The following THSD7B variants were observed in gnomAD, a reference collection of about 807,000 sequenced individuals.
THSD7B encodes the protein thrombospondin type 1 domain containing 7B, also known as thrombospondin type-1 domain-containing protein 7B.
THSD7B carries 138 observed loss-of-function variants against 213.6 expected under a neutral mutation model. That is an observed-to-expected ratio of 0.65 (90% confidence interval 0.56 to 0.74). THSD7B has a LOEUF of 0.74. Among genes scored for constraint, THSD7B ranks in the 30% least tolerant of loss-of-function variants. The pLI is 0.00. For synonymous variants in THSD7B, 742 were observed against 687.0 expected, an observed-to-expected ratio of 1.08 and a Z score of -1.25; for missense variants, 1,931 against 1,991.5, an observed-to-expected ratio of 0.97 and a Z score of 0.58.
intron 2 of THSD7B, among the ~76,000 whole-genome samples, chr2:136,977,753 T>A (rs1052570931): frequency 3.9e-5 from 6 of 151,948 alleles, no homozygotes; most frequent in African/African-American, 1.4e-4. Flanking sequence ...TTTTTCAATT[T>A]CCATGTAGTT....
intron 15 of THSD7B, among the ~76,000 whole-genome samples, chr2:137,538,092 A>G (rs1046822116): frequency 6.6e-6 from 1 of 151,608 alleles, no homozygotes; most frequent in African/African-American, 2.4e-5. Flanking sequence ...AGCAATTCTC[A>G]TGTCTTTTCC....
intron 12 of THSD7B, among the ~76,000 whole-genome samples, chr2:137,401,681 C>T (rs1282824877): frequency 2.9e-5 from 4 of 138,360 alleles, no homozygotes; most frequent in African/African-American, 1.1e-4. Context: ...CAATGGCCTT[C>T]ATCCTTGGGT....
chr2:137,551,847 C>T (rs1020156576), intron 15 of THSD7B, among the ~76,000 whole-genome samples: 4 of 151,918 alleles, frequency 2.6e-5, no homozygotes, highest in African/African-American at 9.7e-5. Flanking sequence ...CGGAGGATAG[C>T]CTGGGCCTGG....
chr2:137,356,366 A>G (rs1432951593), intron 12 of THSD7B, among the ~76,000 whole-genome samples: 1 of 152,062 alleles, frequency 6.6e-6, no homozygotes, highest in East Asian at 1.9e-4. Context: ...CAAATTCTCA[A>G]ACACCAAGCA....
intron 7 of THSD7B, among the ~76,000 whole-genome samples, chr2:137,206,931 G>A (rs574882217): frequency 2.6e-5 from 4 of 152,182 alleles, no homozygotes; most frequent in East Asian, 1.9e-4. Context: ...AATTAAAGCA[G>A]GAATGTATAT....
Position 136,816,747 on chromosome 2 carries a change from C to T in THSD7B, c.-36+51060C>T, listed in dbSNP as rs549234086. 4.6e-5 allele frequency among the ~76,000 whole-genome samples: 7 copies of T among 152,252 alleles called. No individual in the cohort carries two copies. The South Asian group carries it at 1.5e-3, about 32-fold the overall frequency. On this transcript the variant is annotated intron_variant, in intron 1 of 27. Coordinates refer to ENST00000409968, the MANE Select transcript of THSD7B (RefSeq NM_001316349.2). Reference sequence around the variant, plus strand: ...TCCACTGGGAATGCACTTGAATGCCCTGTTTTTTTGTTTGTTTTTATATCT... The same window carrying T: ...TCCACTGGGAATGCACTTGAATGCCTTGTTTTTTTGTTTGTTTTTATATCT...
intron 12 of THSD7B, among the ~76,000 whole-genome samples, chr2:137,378,650 A>C (rs1267299916): frequency 6.6e-6 from 1 of 152,134 alleles, no homozygotes; most frequent in East Asian, 1.9e-4. Flanking sequence ...TTCACCGCTC[A>C]TTCTTGAAAG....
chr2:137,293,498 C>T (rs992973014), intron 12 of THSD7B, among the ~76,000 whole-genome samples: 2 of 149,616 alleles, frequency 1.3e-5, no homozygotes, highest in African/African-American at 5.0e-5. Context: ...TTTCCTTTTT[C>T]TCTCTCTCTC....
rs1160895833 is a variant in THSD7B, at chr2:137,133,123, GATT to G, written c.1369+17836_1369+17838del. Among the ~76,000 whole-genome samples, 3 of 152,028 alleles carry G rather than the reference GATT, an allele frequency of 2.0e-5. No homozygotes were observed. In the East Asian group the frequency reaches 5.8e-4, roughly 29 times the overall value. Reference sequence around the variant, plus strand: ...AAATACTCCGTTGACTTTTGCCTTGGATTATTATCACACTGAATACCTAGGAAA... The same window carrying G: ...AAATACTCCGTTGACTTTTGCCTTGGATTATCACACTGAATACCTAGGAAA... On this transcript the variant is annotated intron_variant, in intron 5 of 27. Coordinates refer to ENST00000409968, the MANE Select transcript of THSD7B (RefSeq NM_001316349.2).
Position 137,393,835 on chromosome 2 carries a change from T to A in THSD7B, c.2501-11778T>A, listed in dbSNP as rs1476152091. Among the ~76,000 whole-genome samples the A allele has an allele frequency of 1.4e-4, 20 of 141,588 alleles. 2 individuals carry two copies. Among genetic ancestry groups the A allele is most frequent in the Admixed American group, 1.4e-3 (20 of 14,402 alleles). 92.9% of individuals were successfully genotyped at this position (141,588 alleles called of 152,430 possible). A position where few individuals can be genotyped will look rare whatever the true frequency, so the allele number is the denominator to read the frequency against. On this transcript the variant is annotated intron_variant, in intron 12 of 27. Coordinates refer to ENST00000409968, the MANE Select transcript of THSD7B (RefSeq NM_001316349.2). ...TCTCCAGCACCTGTTGTTTCCTGAC[T>A]TTTTAATGTTTGCCATTCTAACTGG...
intron 26 of THSD7B, among the ~76,000 whole-genome samples, chr2:137,664,111 C>T (rs1415711068): frequency 6.6e-6 from 1 of 152,140 alleles, no homozygotes; most frequent in Admixed American, 6.5e-5. Context: ...CCTTGGCCTC[C>T]CAAAGTGCTG....
rs530727541 is a variant in THSD7B, at chr2:137,667,938, G to A, written c.4739+77G>A. The A allele has an allele frequency of 2.4e-5, 29 of 1,191,696 alleles. 1 individual carries two copies. In the South Asian group the frequency reaches 2.9e-4, roughly 12 times the overall value. 73.8% of individuals were successfully genotyped at this position (1,191,696 alleles called of 1,614,324 possible). A position where few individuals can be genotyped will look rare whatever the true frequency, so the allele number is the denominator to read the frequency against. On this transcript the variant is annotated intron_variant, in intron 27 of 27. Coordinates refer to ENST00000409968, the MANE Select transcript of THSD7B (RefSeq NM_001316349.2). The stretch of plus-strand genomic sequence containing the variant: ...GTTATACTTAAAACAAGTATCTCAG[G>A]ATCATTGCCCATTATAACAGGATTC...
At chr2:136,963,863 C>T (rs1008788708) in intron 2 of THSD7B, among the ~76,000 whole-genome samples, 8 of 152,212 alleles carry the variant, frequency 5.3e-5, no homozygotes, top group African/African-American at 1.9e-4. Flanking sequence ...GATAATTAGA[C>T]GTGTTTGTTA....
intron 15 of THSD7B, among the ~76,000 whole-genome samples, chr2:137,516,330 T>C (rs920860794): frequency 2.0e-5 from 3 of 152,198 alleles, no homozygotes; most frequent in African/African-American, 7.2e-5. Context: ...TTTCCAGACT[T>C]GAACCAGTTT....
At chr2:136,924,281 A>G (rs1390737199) in intron 2 of THSD7B, among the ~76,000 whole-genome samples, 1 of 152,070 alleles carries the variant, frequency 6.6e-6, no homozygotes, top group African/African-American at 2.4e-5. Context: ...ATGTTTCACC[A>G]TGTTGGCCAG....
intron 5 of THSD7B, among the ~76,000 whole-genome samples, chr2:137,149,493 C>T (rs1374851342): frequency 6.6e-6 from 1 of 152,194 alleles, no homozygotes; most frequent in African/African-American, 2.4e-5. Context: ...ATGAGCCTTC[C>T]TGTTCTCTGT....
At chr2:137,573,222 T>G (rs1440516135) in intron 17 of THSD7B, among the ~76,000 whole-genome samples, 1 of 152,144 alleles carries the variant, frequency 6.6e-6, no homozygotes, top group Non-Finnish European at 1.5e-5. Context: ...ATACTCATAC[T>G]TCAAAGTAAA....
At chr2:136,767,132 A>G (rs1681413505) in intron 1 of THSD7B, among the ~76,000 whole-genome samples, 2 of 152,132 alleles carry the variant, frequency 1.3e-5, no homozygotes, top group South Asian at 4.1e-4. Context: ...AGGAGGAGGT[A>G]ATCTCCAGGG....
chr2:136,818,366 G>A (rs1320036662), intron 1 of THSD7B, among the ~76,000 whole-genome samples: 1 of 144,568 alleles, frequency 6.9e-6, no homozygotes, highest in Non-Finnish European at 1.5e-5. Flanking sequence ...ATGGACACAG[G>A]AAGGGGAATA....
Sources: allele counts gnomAD v4.1 joint callset (sites outside exome capture counted in the v4.1 genomes callset), GRCh38; gene constraint gnomAD v4.1.1; transcripts MANE v1.5; gene names NCBI Gene and HGNC (gene_info 2026-07-23, HGNC 2026-07-21).